The following SEMA3A variants were observed in gnomAD, a reference collection of about 807,000 sequenced individuals.
SEMA3A encodes semaphorin-3A.
A neutral mutation model predicts 97.9 loss-of-function variants in SEMA3A; 29 were observed. The ratio of observed to expected loss-of-function variants is 0.30; its 90% CI spans 0.22 to 0.40. The LOEUF (loss-of-function observed/expected upper bound fraction) is 0.40, where lower values mean the gene tolerates loss of function less well. SEMA3A is among the 10% of genes least tolerant of loss of function. SEMA3A has a pLI of 1.00. For missense variants in SEMA3A, 763 were observed against 951.3 expected, an observed-to-expected ratio of 0.80 and a Z score of 2.60; for synonymous variants, 321 against 323.7, an observed-to-expected ratio of 0.99 and a Z score of 0.09.
chr7:84,005,695 C>T, intron 10 of SEMA3A, 137 bp from the exon 11 acceptor site: 1 of 607,886 alleles, frequency 1.6e-6, no homozygotes, highest in Non-Finnish European at 2.7e-6. Flanking sequence ...CACCTCTAAT[C>T]CTAGCACTTT....
At chr7:84,150,037 T>C (rs1796582347) in intron 1 of SEMA3A, among the ~76,000 whole-genome samples, 1 of 152,224 alleles carries the variant, frequency 6.6e-6, no homozygotes, top group Admixed American at 6.5e-5. Context: ...TGAGTATCTT[T>C]GTCAATCACA....
At chr7:84,390,383 T>C (rs908316747) in intron 1 of SEMA3A, among the ~76,000 whole-genome samples, 1 of 149,532 alleles carries the variant, frequency 6.7e-6, no homozygotes, top group African/African-American at 2.5e-5. Context: ...CTGGGAACCA[T>C]TGCTGGGTCA....
At chr7:84,176,948 C>T (rs1797586928) in intron 1 of SEMA3A, among the ~76,000 whole-genome samples, 1 of 152,044 alleles carries the variant, frequency 6.6e-6, no homozygotes, top group Non-Finnish European at 1.5e-5. Context: ...AGCCCCGAGC[C>T]ATAAAATTAG....
In SEMA3A at chr7:84,351,100, C is replaced by T. The variant is rs1260533462; in HGVS notation, c.-169+20724G>A. On this transcript the variant is annotated intron_variant, in intron 2 of 3. Transcript: ENST00000424555. ...ACACACACACACACACACACACTCC[C>T]TAAAATAACACACTAGAACATATTT... 2.6e-5 allele frequency among the ~76,000 whole-genome samples: 4 copies of T among 151,454 alleles called. No homozygotes were observed. In the East Asian group the frequency reaches 7.7e-4, roughly 29 times the overall value.
rs896206084 is a variant in SEMA3A at position 83,990,148 on chromosome 7, C to A, written c.1453-4671G>T. On this transcript the variant is annotated intron_variant, in intron 12 of 16. Coordinates refer to ENST00000265362, the MANE Select transcript of SEMA3A (RefSeq NM_006080.3). ...GAAGTGTCTGTTCATGTCCTTCGCCCACTTTTTGATGGGGTTGTTTGTTTT... is the reference window on the plus strand; with the variant it reads ...GAAGTGTCTGTTCATGTCCTTCGCCAACTTTTTGATGGGGTTGTTTGTTTT... 5.1e-4 allele frequency among the ~76,000 whole-genome samples: 78 copies of A among 151,772 alleles called. 1 individual carries two copies. The highest frequency in any genetic ancestry group is 1.6e-3 in the African/African-American group (65 of 41,368).
rs116603748 is a variant in SEMA3A at position 84,089,130 on chromosome 7, A to C, written c.453+21340T>G. ...GTATATGTAAACACTCATCTTGAGC[A>C]CCACTTTGCAGCATATTGTCAGAGG... On this transcript the variant is annotated intron_variant, in intron 4 of 16. Transcript: ENST00000265362. Among the ~76,000 whole-genome samples the C allele has an allele frequency of 2.6e-3, 402 of 152,274 alleles. 1 individual carries two copies. Among genetic ancestry groups the C allele is most frequent in the African/African-American group, 9.2e-3 (382 of 41,576 alleles).
At chr7:84,064,221 A>C (rs1178589028) in intron 4 of SEMA3A, among the ~76,000 whole-genome samples, 1 of 152,086 alleles carries the variant, frequency 6.6e-6, no homozygotes, top group Non-Finnish European at 1.5e-5. Context: ...GCAAATGCTG[A>C]GAGATTTTGT....
chr7:84,208,244 A>T (rs912063656), intron 3 of SEMA3A, among the ~76,000 whole-genome samples: 5 of 152,122 alleles, frequency 3.3e-5, no homozygotes, highest in African/African-American at 1.2e-4. Context: ...TGAGGTCAGG[A>T]GATCGAGACC....
chr7:84,274,485 G>T (rs1800242693), intron 3 of SEMA3A, among the ~76,000 whole-genome samples: 1 of 152,094 alleles, frequency 6.6e-6, no homozygotes, highest in African/African-American at 2.4e-5. Flanking sequence ...GGCTGAAAGG[G>T]GTTGCCCGGA....
chr7:84,475,997 T>C (rs759924415), intron 1 of SEMA3A, among the ~76,000 whole-genome samples: 9 of 152,052 alleles, frequency 5.9e-5, no homozygotes, highest in Non-Finnish European at 1.2e-4. Flanking sequence ...ATGATGATAG[T>C]TTTCAATTTC....
At chr7:84,341,639 CA>C (rs1433362919) in intron 2 of SEMA3A, among the ~76,000 whole-genome samples, 13 of 152,102 alleles carry the variant, frequency 8.5e-5, no homozygotes, top group Non-Finnish European at 1.6e-4. Flanking sequence ...TCTGCCCGAA[CA>C]GTATCTATCT....
At chr7:84,262,650 CTTCTAT>C (rs2115666963) in intron 3 of SEMA3A, among the ~76,000 whole-genome samples, 1 of 152,350 alleles carries the variant, frequency 6.6e-6, no homozygotes, top group South Asian at 2.1e-4. Context: ...TTCATATCTA[CTTCTAT>C]ATCTGTAAAC....
chr7:84,333,222 C>T (rs1341122949), intron 2 of SEMA3A, among the ~76,000 whole-genome samples: 1 of 152,072 alleles, frequency 6.6e-6, no homozygotes, highest in African/African-American at 2.4e-5. Context: ...AGATTTTCAT[C>T]ACAAAAAACT....
chr7:84,341,374 G>A (rs1276186116), intron 2 of SEMA3A, among the ~76,000 whole-genome samples: 1 of 152,098 alleles, frequency 6.6e-6, no homozygotes, highest in East Asian at 1.9e-4. Context: ...GAATATTTCA[G>A]AGTAAGATTA....
At chr7:84,234,501 C>T (rs1398211226) in intron 3 of SEMA3A, among the ~76,000 whole-genome samples, 1 of 152,020 alleles carries the variant, frequency 6.6e-6, no homozygotes, top group Admixed American at 6.6e-5. Flanking sequence ...TTCTCTTTTG[C>T]TCATTGATCT....
intron 3 of SEMA3A, among the ~76,000 whole-genome samples, chr7:84,260,527 C>T (rs998332276): frequency 2.0e-5 from 3 of 151,684 alleles, no homozygotes; most frequent in Non-Finnish European, 4.4e-5. Flanking sequence ...CCTGAAGGCT[C>T]GAAAGTGCCT....
At chr7:84,259,376 C>A (rs1799791994) in intron 3 of SEMA3A, among the ~76,000 whole-genome samples, 1 of 152,040 alleles carries the variant, frequency 6.6e-6, no homozygotes, top group African/African-American at 2.4e-5. Flanking sequence ...CATATCTCCA[C>A]CCACTTCATT....
At chr7:84,381,937 G>T (rs1803272066) in intron 1 of SEMA3A, among the ~76,000 whole-genome samples, 1 of 152,086 alleles carries the variant, frequency 6.6e-6, no homozygotes, top group Non-Finnish European at 1.5e-5. Flanking sequence ...ATTTACTTAA[G>T]TATGCATGTA....
chr7:84,172,709 G>A (rs764311331), intron 1 of SEMA3A, among the ~76,000 whole-genome samples: 18 of 151,962 alleles, frequency 1.2e-4, no homozygotes, highest in South Asian at 4.2e-4. Flanking sequence ...TACAGGCGTG[G>A]GCCACTGCAC....
Sources: allele counts gnomAD v4.1 joint callset (sites outside exome capture counted in the v4.1 genomes callset), GRCh38; gene constraint gnomAD v4.1.1; transcripts MANE v1.5; gene names NCBI Gene and HGNC (gene_info 2026-07-23, HGNC 2026-07-21).